ANK2: variants seen among roughly 807,000 people sequenced by gnomAD.
ANK2 encodes the protein ankyrin-2.
ANK2 carries 83 observed loss-of-function variants against 360.5 expected under a neutral mutation model. That is an observed-to-expected ratio of 0.23 (90% confidence interval 0.19 to 0.28). The LOEUF is 0.28. Among genes scored for constraint, ANK2 ranks in the 10% least tolerant of loss-of-function variants. ANK2 has a pLI of 1.00. For synonymous variants in ANK2, 1,740 were observed against 1,759.5 expected (o/e 0.99, Z 0.28); for missense variants, 4,201 against 4,795.7 (o/e 0.88, Z 3.66).
At chr4:113,062,571 G>T (rs929359843) in intron 1 of ANK2, among the ~76,000 whole-genome samples, 1 of 152,010 alleles carries the variant, frequency 6.6e-6, no homozygotes, top group African/African-American at 2.4e-5. Flanking sequence ...CCATATTGTA[G>T]GTAGAGGTTA....
At chr4:113,287,735 G>C in intron 19 of ANK2, 32 bp downstream of exon 19, 1 of 1,564,346 alleles carries the variant, frequency 6.4e-7, no homozygotes, top group African/African-American at 1.4e-5. Context: ...ATTGTGACAG[G>C]TTCTGGCTGG....
chr4:112,848,446 G>A lies in ANK2; in HGVS notation c.-40+30182G>A, dbSNP rs186479807. On this transcript the variant is annotated intron_variant, in intron 1 of 30. Transcript: ENST00000503271. ...CAAAGTGCGGGGATTCTAGGCATGA[G>A]CCACCACACCCTGCCAGAAAAATGG... Among the ~76,000 whole-genome samples the A allele has an allele frequency of 5.9e-5, 9 of 152,308 alleles. No homozygotes were observed. In the East Asian group the frequency reaches 1.7e-3, roughly 29 times the overall value.
rs1463220816 is a variant in ANK2, at chr4:113,354,249, A to T, written c.5631A>T (p.Lys1877Asn). ...SPASSSSKTE[K>N]HSPVSPSTKT... ...CGTCATCATCGAGTAAAACTGAGAA[A>T]CACTCACCTGTATCACCCTCGACAA... The change falls in exon 38 of 46, where the codon AAA (lysine) becomes AAT (asparagine). Residue 1877 changes from lysine to asparagine, a missense_variant. Around this residue, in one of 4 missense-constraint regions of ANK2, gnomAD observed 2,642 missense variants for 2,714.5 expected, o/e 0.97. Coordinates refer to ENST00000357077, the MANE Select transcript of ANK2 (RefSeq NM_001148.6). 6.2e-7 allele frequency: 1 copy of T among 1,614,066 alleles called. No homozygotes were observed. The highest frequency in any genetic ancestry group is 2.2e-5 in the East Asian group (1 of 44,876).
At chr4:112,976,310 C>T (rs1047156442) in intron 2 of ANK2, among the ~76,000 whole-genome samples, 1 of 152,042 alleles carries the variant, frequency 6.6e-6, no homozygotes, top group Non-Finnish European at 1.5e-5. Flanking sequence ...TGTCCTGCCT[C>T]AGCCTCCTGA....
At chr4:113,293,607 A>G (rs1046902301) in intron 22 of ANK2, 69 bp downstream of exon 22, 1 of 1,396,370 alleles carries the variant, frequency 7.2e-7, no homozygotes, top group Non-Finnish European at 1.0e-6. Context: ...CATGTACAGT[A>G]CTTTTTCACT....
chr4:113,247,783 A>G (rs1388215477), intron 9 of ANK2, among the ~76,000 whole-genome samples: 3 of 152,212 alleles, frequency 2.0e-5, no homozygotes, highest in Non-Finnish European at 2.9e-5. Context: ...GAACTGTTAC[A>G]TATGATGTCT....
chr4:112,871,329 G>A (rs2072939693), intron 1 of ANK2, among the ~76,000 whole-genome samples: 1 of 152,094 alleles, frequency 6.6e-6, no homozygotes, highest in South Asian at 2.1e-4. Context: ...GGGACTATAG[G>A]CGCACGCCGC....
intron 2 of ANK2, among the ~76,000 whole-genome samples, chr4:112,934,349 A>C (rs1382560211): frequency 1.3e-5 from 2 of 152,212 alleles, no homozygotes; most frequent in East Asian, 3.8e-4. Flanking sequence ...CTGAGCCTTG[A>C]GAAACATTCC....
At chr4:113,153,409 C>A (rs1310574885) in intron 1 of ANK2, among the ~76,000 whole-genome samples, 1 of 152,108 alleles carries the variant, frequency 6.6e-6, no homozygotes, top group African/African-American at 2.4e-5. Flanking sequence ...TTGTGAAAAT[C>A]TTTCCTTTTT....
At chr4:112,992,727 A>G (rs1464277754) in intron 2 of ANK2, among the ~76,000 whole-genome samples, 2 of 152,192 alleles carry the variant, frequency 1.3e-5, no homozygotes, top group East Asian at 3.9e-4. Context: ...CTCCACCCTC[A>G]TGATCTCCTC....
chr4:112,990,222 T>C lies in ANK2; in HGVS notation c.21+85708T>C, dbSNP rs372928249. Among the ~76,000 whole-genome samples the C allele has an allele frequency of 2.5e-4, 38 of 152,140 alleles. 1 individual carries two copies. Among genetic ancestry groups the C allele is most frequent in the East Asian group, 1.7e-3 (9 of 5,192 alleles). ...ACTTTGAGGCTCTAGTGAGCCATGA[T>C]TGTGCCACTGAACTCCAGCCTGGGT... On this transcript the variant is annotated intron_variant, in intron 2 of 30. Transcript: ENST00000503271.
At chr4:113,321,169 T>C (rs572321873) in intron 26 of ANK2, among the ~76,000 whole-genome samples, 1 of 152,246 alleles carries the variant, frequency 6.6e-6, no homozygotes, top group African/African-American at 2.4e-5. Flanking sequence ...ATCTATAAGA[T>C]GAGTGTTATA....
intron 1 of ANK2, among the ~76,000 whole-genome samples, chr4:112,901,879 GGAA>G (rs1272009567): frequency 2.0e-5 from 3 of 149,776 alleles, no homozygotes; most frequent in Non-Finnish European, 4.4e-5. Flanking sequence ...AAAAAAAAAA[GGAA>G]GAAGAAGAAA....
At chr4:112,983,814 C>T (rs1403511240) in intron 2 of ANK2, among the ~76,000 whole-genome samples, 17 of 152,212 alleles carry the variant, frequency 1.1e-4, no homozygotes, top group Middle Eastern at 3.4e-3. Flanking sequence ...TTTAGGAGAG[C>T]GGACAGCTGT....
chr4:113,364,583 C>T (rs1296537934), intron 40 of ANK2, among the ~76,000 whole-genome samples: 1 of 152,164 alleles, frequency 6.6e-6, no homozygotes, highest in Non-Finnish European at 1.5e-5. Flanking sequence ...TTTCTGCTTC[C>T]TTTACTCATA....
At chr4:113,234,404 T>C (rs1036421519) in intron 5 of ANK2, among the ~76,000 whole-genome samples, 2 of 152,232 alleles carry the variant, frequency 1.3e-5, no homozygotes, top group Non-Finnish European at 2.9e-5. Context: ...TAGACAATCA[T>C]TTAAATAATT....
At chr4:113,029,735 C>T (rs1182612287) in intron 2 of ANK2, among the ~76,000 whole-genome samples, 2 of 152,014 alleles carry the variant, frequency 1.3e-5, no homozygotes, top group Non-Finnish European at 2.9e-5. Flanking sequence ...CCAGTGCTTG[C>T]TCTCTGTCCA....
At position 113,365,179 on chromosome 4, in the gene ANK2, G is replaced by A. The variant is rs2154053648; in HGVS notation, c.11029G>A (p.Glu3677Lys). ...IEQTITLDHS[E>K]GFSVLQEELC... ...ACAGACCATTACACTGGATCATAGT[G>A]AAGGTCAAACTGTGTGTGTGTATGT... Residue 3677 changes from glutamate (E) to lysine (K), a missense_variant, in exon 41 of 46, where the codon GAA becomes AAA. Glu to Lys is a moderately conservative substitution (Grantham distance 56, BLOSUM62 1). Coordinates refer to ENST00000357077, the MANE Select transcript of ANK2 (RefSeq NM_001148.6). 1 of 1,609,134 alleles carries A rather than the reference G, an allele frequency of 6.2e-7. No individual in the cohort carries two copies. The highest frequency in any genetic ancestry group is 8.5e-7 in the Non-Finnish European group (1 of 1,178,682).
chr4:113,357,765 G>A lies in ANK2; in HGVS notation c.9147G>A (p.Arg3049=). The A allele has an allele frequency of 1.2e-6, 2 of 1,614,038 alleles. No individual in the cohort carries two copies. The highest frequency in any genetic ancestry group is 1.7e-6 in the Non-Finnish European group (2 of 1,179,958). ...ATTCTGATTCTTGGAGTGAAATTCG[G>A]GAAGACGATGAAGCCTTTGAGGCTC... The part of the protein sequence containing the change: ...DVDSDSWSEI[R]EDDEAFEARV... The change falls in exon 38 of 46, where the codon CGG becomes CGA. Residue 3049 remains arginine (R), a synonymous_variant. Coordinates refer to ENST00000357077, the MANE Select transcript of ANK2 (RefSeq NM_001148.6).
Sources: allele counts gnomAD v4.1 joint callset (sites outside exome capture counted in the v4.1 genomes callset), GRCh38; gene constraint gnomAD v4.1.1; regional missense constraint gnomAD v4.1.1; transcripts MANE v1.5; gene names NCBI Gene and HGNC (gene_info 2026-07-23, HGNC 2026-07-21).